The following ZFHX3 variants were observed in gnomAD, a reference collection of about 807,000 sequenced individuals.
ZFHX3 encodes zinc finger homeobox 3, also known as zinc finger homeobox protein 3.
A neutral mutation model predicts 279.1 loss-of-function variants in ZFHX3; 42 were observed. The observed-to-expected ratio is 0.15, with a 90% confidence interval of 0.12 to 0.19. The LOEUF is 0.19. Among genes scored for constraint, ZFHX3 ranks in the 10% least tolerant of loss-of-function variants. ZFHX3 has a pLI of 1.00. For synonymous variants in ZFHX3, 2,293 were observed against 1,957.8 expected (o/e 1.17, Z -4.52); for missense variants, 4,981 against 4,754.0 (o/e 1.05, Z -1.40).
At chr16:73,807,638 T>TC (rs1960315975) in intron 1 of ZFHX3, among the ~76,000 whole-genome samples, 1 of 143,332 alleles carries the variant, frequency 7.0e-6, no homozygotes, top group Admixed American at 7.0e-5. Context: ...TTTTTTTTTT[T>TC]TTTTTTTTTT....
At chr16:73,474,153 A>G (rs1343187886) in intron 2 of ZFHX3, among the ~76,000 whole-genome samples, 2 of 151,932 alleles carry the variant, frequency 1.3e-5, no homozygotes, top group Non-Finnish European at 2.9e-5. Flanking sequence ...TTATTTATTT[A>G]TTGAGACAGA....
chr16:73,331,699 A>G (rs1464993202), intron 3 of ZFHX3, among the ~76,000 whole-genome samples: 2 of 152,230 alleles, frequency 1.3e-5, no homozygotes, highest in African/African-American at 4.8e-5. Context: ...AAAATAACAC[A>G]TTTGTACGCC....
chr16:73,368,157 C>G (rs994694008), intron 3 of ZFHX3, among the ~76,000 whole-genome samples: 3 of 152,220 alleles, frequency 2.0e-5, no homozygotes, highest in African/African-American at 4.8e-5. Flanking sequence ...AGGCATCAAC[C>G]ACTGCACCCA....
chr16:72,835,644 A>G (rs149746985), intron 4 of ZFHX3, among the ~76,000 whole-genome samples: 1 of 152,086 alleles, frequency 6.6e-6, no homozygotes, highest in Non-Finnish European at 1.5e-5. Flanking sequence ...TCTGACCATC[A>G]AGACTGACAC....
intron 3 of ZFHX3, among the ~76,000 whole-genome samples, chr16:73,436,400 C>T (rs1015029217): frequency 1.3e-5 from 2 of 152,082 alleles, no homozygotes; most frequent in Non-Finnish European, 2.9e-5. Context: ...GTAAAAGTCA[C>T]GTCTTACATG....
chr16:73,639,467 A>G (rs1383360), intron 2 of ZFHX3, among the ~76,000 whole-genome samples: 147,007 of 152,298 alleles, frequency 0.97, 70,996 homozygotes, highest in East Asian at 1. Context: ...GATCTTTATT[A>G]ACATGCTCTT....
At chr16:73,158,137 A>T (rs1967139749) in intron 5 of ZFHX3, among the ~76,000 whole-genome samples, 1 of 152,206 alleles carries the variant, frequency 6.6e-6, no homozygotes, top group African/African-American at 2.4e-5. Flanking sequence ...GGGACACTGC[A>T]GGTCTGCATC....
chr16:72,903,108 T>G (rs1369453997), intron 3 of ZFHX3, among the ~76,000 whole-genome samples: 1 of 152,062 alleles, frequency 6.6e-6, no homozygotes, highest in Non-Finnish European at 1.5e-5. Flanking sequence ...GACACCATCT[T>G]CCCTTCCTCA....
Position 72,796,165 on chromosome 16 carries a change from C to T in ZFHX3, c.6517G>A (p.Glu2173Lys), listed in dbSNP as rs778822997. The change falls in exon 9 of 10, where the codon GAG becomes AAG. Residue 2173 changes from glutamate (E) to lysine (K), a missense_variant. Coordinates refer to ENST00000268489, the MANE Select transcript of ZFHX3 (RefSeq NM_006885.4). ...TTGTCTGCCATCTCTTTTATTTGCTCTTCACTGGGGGAGTTGTTAATGTCA... is the reference window on the plus strand; with the variant it reads ...TTGTCTGCCATCTCTTTTATTTGCTTTTCACTGGGGGAGTTGTTAATGTCA... ...YFDINNSPSE[E>K]QIKEMADKSG... 3.7e-6 allele frequency: 6 copies of T among 1,614,010 alleles called. No homozygotes were observed. Among genetic ancestry groups the T allele is most frequent in the Non-Finnish European group, 5.1e-6 (6 of 1,180,036 alleles).
At position 72,793,489 on chromosome 16, in the gene ZFHX3, C is replaced by T; in HGVS notation, c.9193G>A (p.Glu3065Lys). The T allele has an allele frequency of 6.2e-7, 1 of 1,614,182 alleles. No individual in the cohort carries two copies. The highest frequency in any genetic ancestry group is 1.1e-5 in the South Asian group (1 of 91,084). Reference protein sequence around the residue: ...TIGSQLDKEKEYFDPATVRQL... With the variant: ...TIGSQLDKEKKYFDPATVRQL... ...CGTACGGTGGCTGGGTCAAAGTATT[C>T]TTTCTCCTTGTCCAGCTGGCTTCCA... Residue 3065 changes from glutamate to lysine, a missense_variant, in exon 9 of 10, where the codon GAA becomes AAA. Around this residue, in one of 7 missense-constraint regions of ZFHX3, gnomAD observed 168 missense variants for 249.1 expected, o/e 0.67. Coordinates refer to ENST00000268489, the MANE Select transcript of ZFHX3 (RefSeq NM_006885.4). The surrounding 1 kb of genome is among the most constrained non-coding windows in gnomAD (Gnocchi z 4.3).
chr16:73,843,404 G>A (rs1181678209), intron 1 of ZFHX3, among the ~76,000 whole-genome samples: 2 of 152,178 alleles, frequency 1.3e-5, no homozygotes, highest in African/African-American at 4.8e-5. Flanking sequence ...AAGAACTACT[G>A]TGGTTCACAA....
chr16:73,449,582 T>G (rs1206720026), intron 3 of ZFHX3, among the ~76,000 whole-genome samples: 1 of 152,154 alleles, frequency 6.6e-6, no homozygotes, highest in East Asian at 1.9e-4. Flanking sequence ...ATGAAGAACA[T>G]GAATCTAAAA....
At chr16:73,365,228 C>T (rs546283191) in intron 3 of ZFHX3, among the ~76,000 whole-genome samples, 5 of 152,338 alleles carry the variant, frequency 3.3e-5, no homozygotes, top group African/African-American at 4.8e-5. Flanking sequence ...CCTGGCTGCC[C>T]GTGCACTTGC....
chr16:73,589,839 A>G (rs2051975532), intron 2 of ZFHX3, among the ~76,000 whole-genome samples: 2 of 151,826 alleles, frequency 1.3e-5, no homozygotes, highest in African/African-American at 4.8e-5. Context: ...ATAAACTAGA[A>G]ATGCAATGCC....
At chr16:73,182,957 C>T (rs1223356618) in intron 5 of ZFHX3, among the ~76,000 whole-genome samples, 1 of 152,200 alleles carries the variant, frequency 6.6e-6, no homozygotes, top group Non-Finnish European at 1.5e-5. Flanking sequence ...GTAATCCCAG[C>T]ACTTTGGAAG....
intron 5 of ZFHX3, among the ~76,000 whole-genome samples, chr16:72,824,406 A>G (rs1269676434): frequency 2.0e-5 from 3 of 152,248 alleles, no homozygotes; most frequent in Non-Finnish European, 4.4e-5. Flanking sequence ...TTAATAAAGT[A>G]AAATCCCTTC....
rs562146599 is a variant in ZFHX3 at position 73,459,759 on chromosome 16, C to T, written c.-1546-3501G>A. Among the ~76,000 whole-genome samples the T allele has an allele frequency of 1.1e-4, 17 of 152,204 alleles. No individual in the cohort carries two copies. The South Asian group carries it at 2.1e-3, about 19-fold the overall frequency. ...GGCAGGAGATAAAGGGGAAGCAAGG[C>T]GCCTTCCTCACAAGGTGGCAGGAAG... is the stretch of plus-strand genomic sequence containing the variant. On this transcript the variant is annotated intron_variant, in intron 2 of 17. Coordinates refer to the ZFHX3 transcript ENST00000641206.
chr16:73,020,865 C>G (rs1473611098), intron 1 of ZFHX3, among the ~76,000 whole-genome samples: 4 of 152,002 alleles, frequency 2.6e-5, no homozygotes, highest in Admixed American at 1.3e-4. Context: ...TTCATCCCGC[C>G]CCCCCAATAC....
intron 4 of ZFHX3, among the ~76,000 whole-genome samples, chr16:72,879,843 A>G (rs552131901): frequency 2.0e-5 from 3 of 152,296 alleles, no homozygotes; most frequent in South Asian, 2.1e-4. Flanking sequence ...TCACAGGCAC[A>G]AGAACCTTCC....
Sources: allele counts gnomAD v4.1 joint callset (sites outside exome capture counted in the v4.1 genomes callset), GRCh38; gene constraint gnomAD v4.1.1; regional missense constraint gnomAD v4.1.1; non-coding constraint Gnocchi (gnomAD v3.1); transcripts MANE v1.5; gene names NCBI Gene and HGNC (gene_info 2026-07-23, HGNC 2026-07-21).